Variants in BCL11A observed in about 807,000 individuals in gnomAD.
BCL11A encodes B cell CLL/lymphoma 11A.
BCL11A carries 2 observed loss-of-function variants against 55.9 expected under a neutral mutation model. The observed-to-expected ratio is 0.04, with a 90% CI of 0.01 to 0.11. The LOEUF is 0.11. Ranked by LOEUF, BCL11A falls within the 10% of genes least tolerant of loss-of-function variation. BCL11A has a pLI of 1.00. For missense variants in BCL11A, 817 were observed against 1,137.1 expected, an observed-to-expected ratio of 0.72 and a Z score of 4.05; for synonymous variants, 465 against 473.4, an observed-to-expected ratio of 0.98 and a Z score of 0.23.
At chr2:60,484,800 G>A (rs972189229) in intron 2 of BCL11A, among the ~76,000 whole-genome samples, 7 of 151,862 alleles carry the variant, frequency 4.6e-5, no homozygotes, top group African/African-American at 1.7e-4. Flanking sequence ...TCAAATTATG[G>A]GAATTCTCAC....
At chr2:60,452,359 T>C, downstream of BCL11A, 1 of 497,108 alleles carries the variant, frequency 2.0e-6, no homozygotes, top group South Asian at 2.4e-5. Flanking sequence ...ACTGTTCCAA[T>C]GTGGGTCTGT....
intron 1 of BCL11A, among the ~76,000 whole-genome samples, chr2:60,552,816 C>T (rs2104799112): frequency 6.6e-6 from 1 of 152,202 alleles, no homozygotes; most frequent in African/African-American, 2.4e-5. Flanking sequence ...CTTTCCCCAC[C>T]AGCTCCCACC....
chr2:60,492,882 A>G (rs1283286361), intron 2 of BCL11A, among the ~76,000 whole-genome samples: 7 of 152,160 alleles, frequency 4.6e-5, no homozygotes, highest in Admixed American at 4.6e-4. Flanking sequence ...AGTTGGATTC[A>G]ATTTGCCAGT....
chr2:60,461,190 G>A lies in BCL11A; in HGVS notation c.1722C>T (p.His574=), dbSNP rs756593242. The change falls in exon 4 of 4, where the codon CAC becomes CAT. Residue 574 remains histidine (H), a synonymous_variant. Coordinates refer to ENST00000642384, the MANE Select transcript of BCL11A (RefSeq NM_022893.4). ...QVLGEKHKRG[H]LAEAEGHRDT... is the part of the protein sequence containing the mutation. Reference sequence around the variant, plus strand: ...CCCTGTGGCCCTCGGCCTCGGCCAGGTGGCCGCGCTTATGCTTCTCGCCCA... The same window carrying A: ...CCCTGTGGCCCTCGGCCTCGGCCAGATGGCCGCGCTTATGCTTCTCGCCCA... 2.5e-6 allele frequency: 4 copies of A among 1,612,550 alleles called. No individual in the cohort carries two copies. Among genetic ancestry groups the A allele is most frequent in the African/African-American group, 1.3e-5 (1 of 75,054 alleles).
chr2:60,511,425 C>T (rs1216644018), intron 2 of BCL11A, among the ~76,000 whole-genome samples: 2 of 152,206 alleles, frequency 1.3e-5, no homozygotes, highest in South Asian at 2.1e-4. Flanking sequence ...CACTCTTTTC[C>T]GTTACCAATA....
intron 2 of BCL11A, chr2:60,483,973 T>C (rs909435045): frequency 2.0e-5 from 3 of 152,098 alleles, no homozygotes; most frequent in African/African-American, 7.3e-5. Flanking sequence ...GCTTGTTAGA[T>C]GTAATGATTA....
At chr2:60,483,558 G>C (rs983685716) in intron 2 of BCL11A, among the ~76,000 whole-genome samples, 3 of 152,236 alleles carry the variant, frequency 2.0e-5, no homozygotes, top group African/African-American at 7.2e-5. Flanking sequence ...TAATATTTAA[G>C]TTAGGGCACT....
intron 2 of BCL11A, among the ~76,000 whole-genome samples, chr2:60,519,792 A>T (rs1400435728): frequency 6.6e-6 from 1 of 152,220 alleles, no homozygotes; most frequent in Non-Finnish European, 1.5e-5. Context: ...TCCCAGTCAC[A>T]TCCTGTATTC....
chr2:60,451,820 G>T (rs1169238569), exon 5 of BCL11A: 4 of 229,928 alleles, frequency 1.7e-5, no homozygotes, highest in Admixed American at 5.7e-5. Flanking sequence ...ACAGGATTCG[G>T]CGTGCCATAT....
chr2:60,502,330 C>T (rs969121706), intron 2 of BCL11A, among the ~76,000 whole-genome samples: 2 of 152,234 alleles, frequency 1.3e-5, no homozygotes, highest in South Asian at 2.1e-4. Flanking sequence ...TGTCAGCTCC[C>T]TCCTGGCTCT....
chr2:60,540,796 T>C (rs1475752537), intron 2 of BCL11A, among the ~76,000 whole-genome samples: 1 of 152,144 alleles, frequency 6.6e-6, no homozygotes, highest in Non-Finnish European at 1.5e-5. Context: ...TACACCCAGT[T>C]GCATTTTCCA....
intron 2 of BCL11A, among the ~76,000 whole-genome samples, chr2:60,515,628 C>T (rs963379103): frequency 1.3e-5 from 2 of 152,176 alleles, no homozygotes; most frequent in Admixed American, 6.5e-5. Flanking sequence ...GAAGGAGATA[C>T]AGAAACAAGC....
rs182986935 is a variant in BCL11A at position 60,506,205 on chromosome 2, G to A, written c.386-37372C>T. 3.9e-5 allele frequency among the ~76,000 whole-genome samples: 6 copies of A among 152,346 alleles called. No individual in the cohort carries two copies. In the East Asian group the frequency reaches 1.2e-3, roughly 29 times the overall value. ...AGCCTGTCCTGTTAGCCAAATGCCA[G>A]CACTCCCACTTTCTCTGAGGGCATG... On this transcript the variant is annotated intron_variant, in intron 2 of 3. Transcript: ENST00000642384.
chr2:60,452,434 G>T (rs1197576953), downstream of BCL11A: 7 of 681,930 alleles, frequency 1.0e-5, no homozygotes, highest in Admixed American at 2.4e-5. Context: ...AGGCTGGAAG[G>T]ACTCTGCAGG....
chr2:60,480,138 G>T (rs527923874), intron 2 of BCL11A, among the ~76,000 whole-genome samples: 1 of 152,228 alleles, frequency 6.6e-6, no homozygotes, highest in Non-Finnish European at 1.5e-5. Context: ...CAGCGAGGAG[G>T]GGGGAAGGTG....
rs1021155995 is a variant in BCL11A, at chr2:60,461,562, G to C, written c.1350C>G (p.Pro450=). 1.2e-6 allele frequency: 2 copies of C among 1,611,748 alleles called. No individual in the cohort carries two copies. Among genetic ancestry groups the C allele is most frequent in the Admixed American group, 3.3e-5 (2 of 60,022 alleles). ...CGCTGCCCACCAAGTCGCTGGTGCC[G>C]GGTTCCGGGGAGCTGGCGGTGGAGA... ...DGLSTASSPE[P]GTSDLVGSAS... The change falls in exon 4 of 4, where the codon CCC becomes CCG. Residue 450 remains proline (P), a synonymous_variant. Transcript: ENST00000642384.
rs762966436 is a variant in BCL11A at position 60,546,080 on chromosome 2, C to A, written c.276G>T (p.Met92Ile). Residue 92 changes from methionine to isoleucine, a missense_variant, in exon 2 of 4, where the codon ATG (methionine) becomes ATT (isoleucine). Physicochemically the swap from Met to Ile is conservative, Grantham distance 10. Coordinates refer to ENST00000642384, the MANE Select transcript of BCL11A (RefSeq NM_022893.4). The surrounding 1 kb of genome is among the most constrained non-coding windows in gnomAD (Gnocchi z 4.1). Reference sequence around the variant, plus strand: ...CCTCCACGGGATTGGATGCTTTTTTCATCTCGATTGGTGAAGGGGAAGGTG... The same window carrying A: ...CCTCCACGGGATTGGATGCTTTTTTAATCTCGATTGGTGAAGGGGAAGGTG... ...DKPPSPSPIEMKKASNPVEVG... is the reference protein window; with the variant it reads ...DKPPSPSPIEIKKASNPVEVG... The A allele has an allele frequency of 1.2e-6, 2 of 1,614,216 alleles. No homozygotes were observed. The highest frequency in any genetic ancestry group is 1.7e-6 in the Non-Finnish European group (2 of 1,180,042).
At position 60,538,719 on chromosome 2, in the gene BCL11A, G is replaced by GTC. The variant is rs542617506; in HGVS notation, c.385+7250_385+7251dup. On this transcript the variant is annotated intron_variant, in intron 2 of 3. Transcript: ENST00000642384. ...GATCAGTACTAGATTTAAACTGAAT[G>GTC]TCTCTCTCTCTCTCTCTCTCTGTGT... Among the ~76,000 whole-genome samples, 1,293 of 130,628 alleles carry GTC rather than the reference G, an allele frequency of 9.9e-3. 13 individuals are homozygous for GTC. The highest frequency in any genetic ancestry group is 0.013 in the Non-Finnish European group (818 of 61,422). 85.7% of individuals were successfully genotyped at this position (130,628 alleles called of 152,430 possible). A position where few individuals can be genotyped will look rare whatever the true frequency, so the allele number is the denominator to read the frequency against.
intron 2 of BCL11A, among the ~76,000 whole-genome samples, chr2:60,481,660 C>T (rs970866664): frequency 1.2e-4 from 19 of 152,238 alleles, no homozygotes; most frequent in African/African-American, 2.4e-4. Context: ...TTTTTCTTGA[C>T]GCTCCACCCC....
Sources: gnomAD v4.1 joint callset for allele counts (sites outside exome capture counted in the v4.1 genomes callset) on GRCh38, gnomAD v4.1.1 for gene constraint, Gnocchi (gnomAD v3.1) non-coding constraint, MANE v1.5 for transcripts, NCBI Gene and HGNC (gene_info 2026-07-23, HGNC 2026-07-21) for gene names.